Variants in GRM7 observed in about 807,000 individuals in gnomAD.
The protein encoded by GRM7 is glutamate metabotropic receptor 7.
A neutral mutation model predicts 84.5 loss-of-function variants in GRM7; 35 were observed. The observed-to-expected ratio is 0.41, with a 90% CI of 0.32 to 0.55. GRM7 has a LOEUF of 0.55. GRM7 is among the 20% of genes least tolerant of loss of function. The pLI is 0.19. For synonymous variants in GRM7, 487 were observed against 455.1 expected (o/e 1.07, Z -0.89); for missense variants, 1,003 against 1,194.6 (o/e 0.84, Z 2.36).
intron 5 of GRM7, among the ~76,000 whole-genome samples, chr3:7,420,548 G>A (rs747421005): frequency 6.6e-6 from 1 of 152,082 alleles, no homozygotes; most frequent in Non-Finnish European, 1.5e-5. Flanking sequence ...ATCTCTGTGA[G>A]CATGCATAGG....
At chr3:6,868,265 G>A (rs886398646) in intron 1 of GRM7, among the ~76,000 whole-genome samples, 17 of 152,256 alleles carry the variant, frequency 1.1e-4, no homozygotes, top group Non-Finnish European at 1.8e-4. Context: ...AAACCACTAC[G>A]TATACTGCTC....
intron 8 of GRM7, among the ~76,000 whole-genome samples, chr3:7,613,510 C>T (rs1696941355): frequency 6.6e-6 from 1 of 152,080 alleles, no homozygotes; most frequent in Admixed American, 6.6e-5. Flanking sequence ...ACCACTTCTC[C>T]CAGGGCAGGG....
At position 7,139,100 on chromosome 3, in the gene GRM7, A is replaced by C. The variant is rs565092982; in HGVS notation, c.520-7352A>C. ...TATATAATGTACTATATTATACTCT[A>C]TAATATAATATACTATATATTATAC... On this transcript the variant is annotated intron_variant, in intron 1 of 9. Transcript: ENST00000357716. 1.6e-3 allele frequency among the ~76,000 whole-genome samples: 238 copies of C among 147,444 alleles called. 1 individual carries two copies. Among genetic ancestry groups the C allele is most frequent in the African/African-American group, 5.6e-3 (227 of 40,808 alleles).
intron 8 of GRM7, among the ~76,000 whole-genome samples, chr3:7,614,697 G>C (rs1267469061): frequency 6.6e-6 from 1 of 151,994 alleles, no homozygotes; most frequent in Non-Finnish European, 1.5e-5. Flanking sequence ...AATTTTTTTA[G>C]TTACTCTGAC....
intron 2 of GRM7, among the ~76,000 whole-genome samples, chr3:7,281,042 GTCAGGAATGGT>G (rs1699236454): frequency 6.6e-6 from 1 of 152,164 alleles, no homozygotes; most frequent in African/African-American, 2.4e-5. Flanking sequence ...GGCAGAGGTA[GTCAGGAATGGT>G]TCTCTTTGGT....
Position 6,877,824 on chromosome 3 carries a change from C to T in GRM7, c.519+15917C>T, listed in dbSNP as rs879603654. 5.6e-3 allele frequency among the ~76,000 whole-genome samples: 714 copies of T among 128,564 alleles called. 28 individuals are homozygous for T. Among genetic ancestry groups the T allele is most frequent in the Admixed American group, 0.054 (650 of 12,110 alleles). The allele number at this position is 128,564 out of a possible 152,430, so 84.3% of individuals were successfully genotyped here. On this transcript the variant is annotated intron_variant, in intron 1 of 9. Transcript: ENST00000357716. ...TACACAGATATCACACACACACACA[C>T]ACACACACACACACACACACACACA...
intron 8 of GRM7, among the ~76,000 whole-genome samples, chr3:7,595,840 G>A (rs899224550): frequency 1.3e-5 from 2 of 152,122 alleles, no homozygotes; most frequent in Non-Finnish European, 2.9e-5. Context: ...AGTCCAGGAG[G>A]GGGCAGGATC....
chr3:7,194,763 G>T (rs557751462), intron 2 of GRM7, among the ~76,000 whole-genome samples: 1 of 152,140 alleles, frequency 6.6e-6, no homozygotes. Context: ...GTCTTACAGC[G>T]TTGTTGTAAG....
intron 1 of GRM7, among the ~76,000 whole-genome samples, chr3:7,035,634 A>G (rs532808412): frequency 1.3e-5 from 2 of 152,206 alleles, no homozygotes. Context: ...GAAAATGGGA[A>G]TGTATCAAAG....
intron 2 of GRM7, among the ~76,000 whole-genome samples, chr3:7,236,237 A>G (rs1300550704): frequency 2.6e-5 from 4 of 152,208 alleles, no homozygotes; most frequent in Non-Finnish European, 5.9e-5. Flanking sequence ...AATATTAGAG[A>G]GAAACATACA....
At position 7,000,019 on chromosome 3, in the gene GRM7, A is replaced by C. The variant is rs904737352; in HGVS notation, c.519+138112A>C. Among the ~76,000 whole-genome samples, 9 of 152,338 alleles carry C rather than the reference A, an allele frequency of 5.9e-5. No individual in the cohort carries two copies. In the East Asian group the frequency reaches 1.7e-3, roughly 29 times the overall value. The stretch of plus-strand genomic sequence containing the variant: ...GAACATAATATGTACCTTCAATAAT[A>C]AATGGCATTGGATTCATTATATGCT... On this transcript the variant is annotated intron_variant, in intron 1 of 9. Transcript: ENST00000357716.
chr3:7,610,195 G>A (rs190726038), intron 8 of GRM7, among the ~76,000 whole-genome samples: 30 of 152,254 alleles, frequency 2.0e-4, no homozygotes, highest in African/African-American at 7.0e-4. Context: ...AGCAGCATAG[G>A]ACTTTAATCC....
intron 2 of GRM7, among the ~76,000 whole-genome samples, chr3:7,183,970 AT>A (rs773850911): frequency 3.3e-5 from 5 of 152,200 alleles, no homozygotes; most frequent in African/African-American, 4.8e-5. Context: ...CAAAGTATAG[AT>A]GGTCATCCTG....
rs34508559 is a variant in GRM7 at position 7,516,476 on chromosome 3, C to CAAAAAAAAAAAAA, written c.1515+54771_1515+54783dup. Among the ~76,000 whole-genome samples, 264 of 42,474 alleles carry CAAAAAAAAAAAAA rather than the reference C, an allele frequency of 6.2e-3. 14 individuals carry two copies. Among genetic ancestry groups the CAAAAAAAAAAAAA allele is most frequent in the East Asian group, 8.2e-3 (4 of 490 alleles). 27.9% of individuals were successfully genotyped at this position (42,474 alleles called of 152,430 possible). Reference sequence around the variant, plus strand: ...TGGGCGGCAGAGCGAGACTCCCTCTCAAAAAAAAAAAAAAAAAAAAAAAAA... The same window carrying CAAAAAAAAAAAAA: ...TGGGCGGCAGAGCGAGACTCCCTCTCAAAAAAAAAAAAAAAAAAAAAAAAAAAAAAAAAAAAAA... On this transcript the variant is annotated intron_variant, in intron 7 of 9. Coordinates refer to ENST00000357716, the MANE Select transcript of GRM7 (RefSeq NM_000844.4).
intron 1 of GRM7, among the ~76,000 whole-genome samples, chr3:7,025,988 A>C (rs1332342108): frequency 1.3e-5 from 2 of 152,222 alleles, no homozygotes; most frequent in Non-Finnish European, 1.5e-5. Context: ...CAGCTAGGTG[A>C]CTACCTGTGA....
intron 1 of GRM7, among the ~76,000 whole-genome samples, chr3:6,924,366 A>G (rs1027870545): frequency 1.3e-4 from 20 of 152,196 alleles, no homozygotes; most frequent in African/African-American, 4.8e-4. Flanking sequence ...GAGACAGATG[A>G]TGTATAATTT....
chr3:7,098,033 A>G (rs1698918234), intron 1 of GRM7, among the ~76,000 whole-genome samples: 1 of 152,046 alleles, frequency 6.6e-6, no homozygotes, highest in East Asian at 1.9e-4. Flanking sequence ...AAATCCTGAA[A>G]CATATGGATT....
At chr3:7,352,869 T>A (rs1284576332) in intron 4 of GRM7, among the ~76,000 whole-genome samples, 3 of 152,116 alleles carry the variant, frequency 2.0e-5, no homozygotes. Flanking sequence ...AACATGTCCC[T>A]GTCCTAACTT....
At chr3:7,433,396 A>G (rs1016241604) in intron 5 of GRM7, among the ~76,000 whole-genome samples, 2 of 152,166 alleles carry the variant, frequency 1.3e-5, no homozygotes, top group Non-Finnish European at 1.5e-5. Context: ...AAAAGCACAT[A>G]CCACCTCTTG....
Sources: gnomAD v4.1 joint callset for allele counts (sites outside exome capture counted in the v4.1 genomes callset) on GRCh38, gnomAD v4.1.1 for gene constraint, MANE v1.5 for transcripts, NCBI Gene and HGNC (gene_info 2026-07-23, HGNC 2026-07-21) for gene names.